The following RAB20 variants were observed in gnomAD, a reference collection of about 807,000 sequenced individuals.
The protein encoded by RAB20 is RAB20, member RAS oncogene family.
A neutral mutation model predicts 3.7 loss-of-function variants in RAB20; 2 were observed. The observed-to-expected ratio is 0.54, with a 90% CI of 0.22 to 1.69. The LOEUF (loss-of-function observed/expected upper bound fraction) is 1.69, where lower values mean the gene tolerates loss of function less well. RAB20 is among the 40% of genes most tolerant of loss of function. RAB20 has a pLI of 0.19. For synonymous variants in RAB20, 126 were observed against 130.8 expected (o/e 0.96, Z 0.25); for missense variants, 276 against 311.9 (o/e 0.88, Z 0.87).
At chr13:110,557,708 C>T (rs1365095226) in intron 1 of RAB20, among the ~76,000 whole-genome samples, 1 of 152,238 alleles carries the variant, frequency 6.6e-6, no homozygotes, top group African/African-American at 2.4e-5. Flanking sequence ...AGGGAAGTGG[C>T]GCAAGTCTGG....
In RAB20 at chr13:110,523,545, T is replaced by C. The variant is rs151324394; in HGVS notation, c.*120A>G. 3.0e-3 allele frequency: 4,482 copies of C among 1,469,546 alleles called. 11 individuals carry two copies. Among genetic ancestry groups the C allele is most frequent in the Non-Finnish European group, 3.7e-3 (4,136 of 1,107,810 alleles). 91.0% of individuals were successfully genotyped at this position (1,469,546 alleles called of 1,614,324 possible). On this transcript the variant is annotated 3_prime_UTR_variant, in exon 2 of 2. Coordinates refer to ENST00000267328, the MANE Select transcript of RAB20 (RefSeq NM_017817.3). ...AGCCATCATTTCCACTCCAACATTCTGCTGCGGGTGTCATTCTGGAAAATA... is the reference window on the plus strand; with the variant it reads ...AGCCATCATTTCCACTCCAACATTCCGCTGCGGGTGTCATTCTGGAAAATA...
chr13:110,547,170 G>A (rs974843274), intron 1 of RAB20, among the ~76,000 whole-genome samples: 4 of 152,168 alleles, frequency 2.6e-5, no homozygotes, highest in Admixed American at 6.5e-5. Context: ...CGGTCTACAC[G>A]GCGCCTCCTC....
At position 110,523,973 on chromosome 13, in the gene RAB20, G is replaced by A. The variant is rs1566581583; in HGVS notation, c.397C>T (p.Pro133Ser). 6.2e-7 allele frequency: 1 copy of A among 1,614,164 alleles called. No homozygotes were observed. Reference protein sequence around the residue: ...LAGQEKEECSPNMDAGDRVSP... With the variant: ...LAGQEKEECSSNMDAGDRVSP... ...ACACGGTCCCCAGCGTCCATATTGG[G>A]ACTGCACTCTTCCTTCTCCTGGCCC... Residue 133 changes from proline to serine, a missense_variant, in exon 2 of 2, where the codon CCC becomes TCC. Coordinates refer to ENST00000267328, the MANE Select transcript of RAB20 (RefSeq NM_017817.3).
At chr13:110,551,682 CGTGT>C (rs962744025) in intron 1 of RAB20, among the ~76,000 whole-genome samples, 14 of 152,002 alleles carry the variant, frequency 9.2e-5, no homozygotes, top group African/African-American at 3.1e-4. Flanking sequence ...GCTGTTTAGG[CGTGT>C]GTGTTTGTAC....
chr13:110,536,954 G>A (rs1279630853), intron 1 of RAB20, among the ~76,000 whole-genome samples: 4 of 88,142 alleles, frequency 4.5e-5, no homozygotes, highest in Admixed American at 3.5e-4. Flanking sequence ...AACAGGCCCC[G>A]CTATGTGATG....
chr13:110,535,720 A>G (rs1884627157), intron 1 of RAB20, among the ~76,000 whole-genome samples: 1 of 152,244 alleles, frequency 6.6e-6, no homozygotes, highest in Admixed American at 6.5e-5. Flanking sequence ...CCTTCCACGC[A>G]GTGGCTGGCC....
chr13:110,542,824 T>C (rs1274465007), intron 1 of RAB20, among the ~76,000 whole-genome samples: 1 of 152,228 alleles, frequency 6.6e-6, no homozygotes, highest in Non-Finnish European at 1.5e-5. Context: ...TACCCAGCAG[T>C]GGGACTGCTG....
At chr13:110,554,819 C>T (rs904454689) in intron 1 of RAB20, among the ~76,000 whole-genome samples, 19 of 152,198 alleles carry the variant, frequency 1.2e-4, no homozygotes, top group African/African-American at 3.9e-4. Context: ...CCTGGAGAAC[C>T]TGAGATCCTA....
intron 1 of RAB20, among the ~76,000 whole-genome samples, chr13:110,558,132 T>C (rs1490514360): frequency 1.3e-5 from 2 of 152,200 alleles, no homozygotes; most frequent in Non-Finnish European, 2.9e-5. Flanking sequence ...CTTTAGGCTG[T>C]CCTGAGCAAC....
intron 1 of RAB20, among the ~76,000 whole-genome samples, chr13:110,535,718 G>A (rs115198839): frequency 0.012 from 1,900 of 152,298 alleles, 38 homozygotes; most frequent in African/African-American, 0.043. Flanking sequence ...GGCCTTCCAC[G>A]CAGTGGCTGG....
intron 1 of RAB20, among the ~76,000 whole-genome samples, chr13:110,547,465 C>G (rs1884873679): frequency 6.6e-6 from 1 of 152,154 alleles, no homozygotes; most frequent in African/African-American, 2.4e-5. Context: ...TCACAGGCAC[C>G]CCATGCACGA....
At chr13:110,556,287 G>T (rs1341555969) in intron 1 of RAB20, among the ~76,000 whole-genome samples, 1 of 152,244 alleles carries the variant, frequency 6.6e-6, no homozygotes, top group Non-Finnish European at 1.5e-5. Context: ...GAAGAGGGAA[G>T]CAGAGGGGCT....
intron 1 of RAB20, among the ~76,000 whole-genome samples, chr13:110,539,387 C>A (rs1456959400): frequency 2.0e-5 from 3 of 152,100 alleles, no homozygotes; most frequent in African/African-American, 7.2e-5. Flanking sequence ...CAAACCCCTG[C>A]CCGCGAAATG....
At chr13:110,557,461 G>C (rs1440893718) in intron 1 of RAB20, among the ~76,000 whole-genome samples, 1 of 152,222 alleles carries the variant, frequency 6.6e-6, no homozygotes, top group Non-Finnish European at 1.5e-5. Flanking sequence ...CGGAACGCCT[G>C]TGCTGGAGAG....
At chr13:110,543,955 A>G (rs1374669306) in intron 1 of RAB20, among the ~76,000 whole-genome samples, 8 of 151,882 alleles carry the variant, frequency 5.3e-5, no homozygotes, top group Admixed American at 5.2e-4. Flanking sequence ...TTGTATTTTT[A>G]GTAGAGATGT....
At chr13:110,548,516 C>A (rs1294325360) in intron 1 of RAB20, among the ~76,000 whole-genome samples, 1 of 113,558 alleles carries the variant, frequency 8.8e-6, no homozygotes, top group Non-Finnish European at 1.9e-5. Flanking sequence ...AAACTCTTGT[C>A]ATTCTGGAAA....
In RAB20 at chr13:110,561,701, G is replaced by T; in HGVS notation, c.-182C>A. 8.8e-7 allele frequency: 1 copy of T among 1,139,874 alleles called. No individual in the cohort carries two copies. The highest frequency in any genetic ancestry group is 1.6e-5 in the African/African-American group (1 of 61,290). 70.6% of individuals were successfully genotyped at this position (1,139,874 alleles called of 1,614,324 possible). ...AGAGAGGAAGCGCGTGTGCGCGCCC[G>T]GGAAGGAGCTGGGTGCAGAGCACGG... On this transcript the variant is annotated 5_prime_UTR_variant, in exon 1 of 2. Coordinates refer to ENST00000267328, the MANE Select transcript of RAB20 (RefSeq NM_017817.3).
chr13:110,544,016 A>G (rs1184449256), intron 1 of RAB20, among the ~76,000 whole-genome samples: 1 of 151,924 alleles, frequency 6.6e-6, no homozygotes, highest in Non-Finnish European at 1.5e-5. Flanking sequence ...GACTTAAGCG[A>G]TCCACCCACG....
chr13:110,557,328 A>C (rs1389167390), intron 1 of RAB20, among the ~76,000 whole-genome samples: 2 of 152,212 alleles, frequency 1.3e-5, no homozygotes, highest in Non-Finnish European at 2.9e-5. Flanking sequence ...GTTTATATTA[A>C]GATGAGGAAG....
Sources: allele counts gnomAD v4.1 joint callset (sites outside exome capture counted in the v4.1 genomes callset), GRCh38; gene constraint gnomAD v4.1.1; transcripts MANE v1.5; gene names NCBI Gene and HGNC (gene_info 2026-07-23, HGNC 2026-07-21).